The following PPFIA1 variants were observed in gnomAD, a reference collection of about 807,000 sequenced individuals.
The protein encoded by PPFIA1 is liprin-alpha-1.
In PPFIA1, 25 loss-of-function variants were observed where a neutral mutation model predicts 149.9. The observed-to-expected ratio is 0.17, with a 90% CI of 0.12 to 0.23. The LOEUF is 0.23. PPFIA1 is among the 10% of genes least tolerant of loss of function. PPFIA1 has a pLI of 1.00. For missense variants in PPFIA1, 1,362 were observed against 1,506.5 expected (o/e 0.90, Z 1.59); for synonymous variants, 549 against 552.8 (o/e 0.99, Z 0.10).
chr11:70,285,500 T>G (rs2051049317), intron 2 of PPFIA1, among the ~76,000 whole-genome samples: 1 of 151,876 alleles, frequency 6.6e-6, no homozygotes, highest in East Asian at 1.9e-4. Flanking sequence ...GCCAACATGG[T>G]GAAACCCTGT....
At position 70,362,165 on chromosome 11, in the gene PPFIA1, G is replaced by A. The variant is rs749453150; in HGVS notation, c.2653G>A (p.Val885Ile). ...CCAATGGGACGGGCCAACGGTTGTG[G>A]TCTGGCTAGAGGTACATCCTTCATT... ...FAQWDGPTVV[V>I]WLELWVGMPA... is the part of the protein sequence containing the mutation. Residue 885 changes from valine to isoleucine, a missense_variant, in exon 20 of 28, where the codon GTC becomes ATC. By Grantham distance (29) the Val-to-Ile change is conservative. This residue lies in a region of PPFIA1 where 91 missense variants were observed against 91.2 expected (regional missense o/e 1.00). Transcript: ENST00000253925. 3 of 1,614,118 alleles carry A rather than the reference G, an allele frequency of 1.9e-6. No homozygotes were observed. Among genetic ancestry groups the A allele is most frequent in the African/African-American group, 2.7e-5 (2 of 74,946 alleles).
chr11:70,277,060 A>ATATATATT, intron 2 of PPFIA1, among the ~76,000 whole-genome samples: 31 of 66,306 alleles, frequency 4.7e-4, no homozygotes, highest in African/African-American at 3.5e-3. Context: ...ATATATATAT[A>ATATATATT]TTTTTTTTTT....
At chr11:70,282,813 G>A (rs1218023135) in intron 2 of PPFIA1, among the ~76,000 whole-genome samples, 3 of 148,214 alleles carry the variant, frequency 2.0e-5, no homozygotes, top group Non-Finnish European at 4.4e-5. Context: ...GGGATTACAG[G>A]CGTGAGCCAC....
At chr11:70,299,538 C>CT (rs2052331419) in intron 2 of PPFIA1, among the ~76,000 whole-genome samples, 1 of 152,148 alleles carries the variant, frequency 6.6e-6, no homozygotes, top group Non-Finnish European at 1.5e-5. Flanking sequence ...CTCCAGCAGC[C>CT]TTTATCGTGG....
chr11:70,334,792 G>A (rs1292062091), intron 10 of PPFIA1, among the ~76,000 whole-genome samples: 2 of 152,192 alleles, frequency 1.3e-5, no homozygotes, highest in East Asian at 1.9e-4. Flanking sequence ...TCGGGTGCAC[G>A]TCGTAACCCC....
In PPFIA1 at chr11:70,330,184, A is replaced by G. The variant is rs138459318; in HGVS notation, c.942A>G (p.Gln314=). ...AATACCTAATTTAGGCCATGGCCCA[A>G]AAGGAAGATATGGAAGAGAGAATCA... ...LQRDVREAMA[Q]KEDMEERITT... Residue 314 remains glutamine (Q), a synonymous_variant, in exon 8 of 28, where the codon CAA becomes CAG. Transcript: ENST00000253925. 1.1e-5 allele frequency: 17 copies of G among 1,595,340 alleles called. No individual in the cohort carries two copies. The African/African-American group carries it at 1.1e-4, about 10-fold the overall frequency.
chr11:70,346,524 A>T (rs1264067522), intron 15 of PPFIA1, among the ~76,000 whole-genome samples: 3 of 151,996 alleles, frequency 2.0e-5, no homozygotes, highest in African/African-American at 4.8e-5. Flanking sequence ...CTCCCATTTC[A>T]TGTGCCACCT....
At chr11:70,354,828 T>C (rs1247456397) in intron 17 of PPFIA1, among the ~76,000 whole-genome samples, 1 of 152,124 alleles carries the variant, frequency 6.6e-6, no homozygotes, top group Non-Finnish European at 1.5e-5. Flanking sequence ...GTGCCTTTCT[T>C]GTGCCTTTTG....
chr11:70,339,415 C>T, intron 14 of PPFIA1, 109 bp downstream of exon 14: 1 of 1,256,114 alleles, frequency 8.0e-7, no homozygotes, highest in African/African-American at 1.5e-5. Flanking sequence ...GCTTTCTTGC[C>T]CTCCTCTCAT....
intron 2 of PPFIA1, among the ~76,000 whole-genome samples, chr11:70,286,031 CAGA>C (rs1242496466): frequency 6.6e-6 from 1 of 152,126 alleles, no homozygotes; most frequent in Non-Finnish European, 1.5e-5. Context: ...TTTGTGTAGG[CAGA>C]ACTAGGGAGG....
intron 2 of PPFIA1, among the ~76,000 whole-genome samples, chr11:70,280,815 A>G (rs1322357033): frequency 1.3e-5 from 2 of 152,078 alleles, no homozygotes; most frequent in African/African-American, 4.8e-5. Context: ...TGAGCCTCCT[A>G]CCTTGACATG....
chr11:70,285,622 A>G (rs1477513537), intron 2 of PPFIA1, among the ~76,000 whole-genome samples: 2 of 150,758 alleles, frequency 1.3e-5, no homozygotes, highest in Admixed American at 6.6e-5. Flanking sequence ...GGAGGTTGCA[A>G]TGAGCTGTGA....
intron 2 of PPFIA1, among the ~76,000 whole-genome samples, chr11:70,273,118 A>T (rs902638073): frequency 6.6e-6 from 1 of 152,208 alleles, no homozygotes; most frequent in Non-Finnish European, 1.5e-5. Context: ...TCTCTACCAA[A>T]AATACAAAAA....
intron 2 of PPFIA1, among the ~76,000 whole-genome samples, chr11:70,322,258 G>A (rs1016697861): frequency 3.3e-5 from 5 of 152,144 alleles, no homozygotes; most frequent in African/African-American, 7.2e-5. Flanking sequence ...CCTCATGTAC[G>A]AACCCCTTCA....
chr11:70,272,215 C>G lies in PPFIA1; in HGVS notation c.43C>G (p.Pro15Ala). 6.2e-7 allele frequency: 1 copy of G among 1,614,038 alleles called. No homozygotes were observed. ...GCCGACCATCAGCGAAGCAGAAGGCCCCCCTGGAGGAGGTGGAGGCCATGG... is the reference window on the plus strand; with the variant it reads ...GCCGACCATCAGCGAAGCAGAAGGCGCCCCTGGAGGAGGTGGAGGCCATGG... ...VMPTISEAEG[P>A]PGGGGGHGSG... The change falls in exon 2 of 28, where the codon CCC (proline) becomes GCC (alanine). Residue 15 changes from proline to alanine, a missense_variant. Around this residue, in one of 7 missense-constraint regions of PPFIA1, gnomAD observed 100 missense variants for 106.2 expected, o/e 0.94. Coordinates refer to ENST00000253925, the MANE Select transcript of PPFIA1 (RefSeq NM_003626.5).
intron 16 of PPFIA1, among the ~76,000 whole-genome samples, chr11:70,351,562 A>C (rs1253087436): frequency 1.3e-5 from 2 of 152,182 alleles, no homozygotes; most frequent in Admixed American, 6.5e-5. Flanking sequence ...GAAAATCCAA[A>C]ATCTGAAATG....
chr11:70,332,190 C>A, intron 9 of PPFIA1, 96 bp downstream of exon 9: 1 of 1,403,602 alleles, frequency 7.1e-7, no homozygotes, highest in South Asian at 1.6e-5. Flanking sequence ...ACATCAGCAC[C>A]TAAATCCGTG....
intron 2 of PPFIA1, among the ~76,000 whole-genome samples, chr11:70,283,486 G>A (rs2050900771): frequency 6.6e-6 from 1 of 152,148 alleles, no homozygotes; most frequent in East Asian, 1.9e-4. Flanking sequence ...CAAACTTAGT[G>A]AAAAAGAAGT....
intron 21 of PPFIA1, chr11:70,365,196 G>A (rs1175970150): frequency 4.2e-6 from 1 of 240,140 alleles, no homozygotes; most frequent in African/African-American, 2.3e-5. Context: ...TGGTGTTGAC[G>A]ACCCAGTGTT....
Sources: allele counts gnomAD v4.1 joint callset (sites outside exome capture counted in the v4.1 genomes callset), GRCh38; gene constraint gnomAD v4.1.1; regional missense constraint gnomAD v4.1.1; transcripts MANE v1.5; gene names NCBI Gene and HGNC (gene_info 2026-07-23, HGNC 2026-07-21).